Variants in MAP4K3 observed in about 807,000 individuals in gnomAD.
MAP4K3 encodes the protein mitogen-activated protein kinase kinase kinase kinase 3.
MAP4K3 carries 94 observed loss-of-function variants against 143.5 expected under a neutral mutation model. The ratio of observed to expected loss-of-function variants is 0.65; its 90% CI spans 0.55 to 0.78. MAP4K3 has a LOEUF of 0.78. MAP4K3 is among the 30% of genes least tolerant of loss of function. The pLI, the probability that MAP4K3 is intolerant of heterozygous loss-of-function variation, is 0.00. For synonymous variants in MAP4K3, 416 were observed against 347.2 expected, an observed-to-expected ratio of 1.20 and a Z score of -2.20; for missense variants, 1,077 against 1,068.1, an observed-to-expected ratio of 1.01 and a Z score of -0.12.
intron 16 of MAP4K3, among the ~76,000 whole-genome samples, chr2:39,297,498 C>A: frequency 6.6e-6 from 1 of 151,890 alleles, no homozygotes; most frequent in African/African-American, 2.4e-5. Flanking sequence ...ATTAGAATTC[C>A]AAAGAAAAGG....
chr2:39,356,299 C>A lies in MAP4K3; in HGVS notation c.195G>T (p.Met65Ile). The change falls in exon 3 of 34, where the codon ATG becomes ATT. Residue 65 changes from methionine (M) to isoleucine (I), a missense_variant. Around this residue, in one of 2 missense-constraint regions of MAP4K3, gnomAD observed 213 missense variants for 266.8 expected, o/e 0.80. Transcript: ENST00000263881. Reference protein sequence around the residue: ...FAVVQQEIIMMKDCKHPNIVA... With the variant: ...FAVVQQEIIMIKDCKHPNIVA... ...CAATATTTGGGTGTTTACAGTCTTT[C>A]ATCATAATAATTTCTTGCTGCACAA... is the stretch of plus-strand genomic sequence containing the variant. The A allele has an allele frequency of 6.2e-7, 1 of 1,605,594 alleles. No individual in the cohort carries two copies.
chr2:39,376,176 T>G (rs575126635), intron 2 of MAP4K3, among the ~76,000 whole-genome samples: 1 of 152,324 alleles, frequency 6.6e-6, no homozygotes, highest in Non-Finnish European at 1.5e-5. Context: ...ACCAGCTGTG[T>G]ATGAGGGTTC....
At chr2:39,280,989 T>C (rs1185144088) in intron 22 of MAP4K3, among the ~76,000 whole-genome samples, 1 of 152,200 alleles carries the variant, frequency 6.6e-6, no homozygotes, top group Admixed American at 6.5e-5. Flanking sequence ...AAATATATCA[T>C]AATGAAATAT....
At chr2:39,258,118 C>G (rs190546261) in intron 31 of MAP4K3, among the ~76,000 whole-genome samples, 6 of 152,018 alleles carry the variant, frequency 3.9e-5, no homozygotes, top group African/African-American at 1.4e-4. Flanking sequence ...TTTTAGTAGA[C>G]ACGGGGTTTC....
chr2:39,422,353 T>G (rs1457429487), intron 1 of MAP4K3, among the ~76,000 whole-genome samples: 1 of 152,096 alleles, frequency 6.6e-6, no homozygotes, highest in African/African-American at 2.4e-5. Flanking sequence ...CTGCTATATA[T>G]CTGACTCCAA....
Position 39,260,795 on chromosome 2 carries a change from A to T in MAP4K3, c.2137-18T>A. On this transcript the variant is annotated intron_variant, in intron 28 of 33. Transcript: ENST00000263881. Reference sequence around the variant, plus strand: ...TCTATGTGCTAGAGAAAGAAACAAAAATACATTAAACCAAGGAAAATAAAA... The same window carrying T: ...TCTATGTGCTAGAGAAAGAAACAAATATACATTAAACCAAGGAAAATAAAA... 6.4e-7 allele frequency: 1 copy of T among 1,563,716 alleles called. No homozygotes were observed. The highest frequency in any genetic ancestry group is 8.8e-7 in the Non-Finnish European group (1 of 1,140,182).
chr2:39,419,907 C>A (rs1303554396), intron 1 of MAP4K3, among the ~76,000 whole-genome samples: 1 of 152,132 alleles, frequency 6.6e-6, no homozygotes, highest in African/African-American at 2.4e-5. Flanking sequence ...GATGGTGGAG[C>A]ACAGGATGGG....
In MAP4K3 at chr2:39,343,382, T is replaced by C; in HGVS notation, c.310+6A>G. The C allele has an allele frequency of 6.2e-7, 1 of 1,608,748 alleles. No individual in the cohort carries two copies. On this transcript the variant is annotated splice_donor_region_variant and intron_variant, in intron 4 of 33. Coordinates refer to ENST00000263881, the MANE Select transcript of MAP4K3 (RefSeq NM_003618.4). ...AACCCCTATAAAAATACAACTTTGG[T>C]CTTACCGTGATAAATATCCTGTAAA...
intron 31 of MAP4K3, among the ~76,000 whole-genome samples, chr2:39,256,341 T>C (rs552084526): frequency 6.6e-6 from 1 of 152,364 alleles, no homozygotes; most frequent in Admixed American, 6.5e-5. Flanking sequence ...CATCCTTATT[T>C]AGTTCTCCAC....
rs535581837 is a variant in MAP4K3 at position 39,284,344 on chromosome 2, A to G, written c.1588-1790T>C. ...ACCCGGCTGTTTCTGTATTTGTAGTAGAGATGGGGTTTTACCATGTTGGCG... is the reference window on the plus strand; with the variant it reads ...ACCCGGCTGTTTCTGTATTTGTAGTGGAGATGGGGTTTTACCATGTTGGCG... On this transcript the variant is annotated intron_variant, in intron 21 of 33. Coordinates refer to ENST00000263881, the MANE Select transcript of MAP4K3 (RefSeq NM_003618.4). Among the ~76,000 whole-genome samples the G allele has an allele frequency of 1.5e-3, 224 of 152,050 alleles. 1 individual carries two copies. The highest frequency in any genetic ancestry group is 2.7e-3 in the Non-Finnish European group (184 of 67,958).
chr2:39,344,482 T>C (rs1389318280), intron 3 of MAP4K3, among the ~76,000 whole-genome samples: 4 of 152,374 alleles, frequency 2.6e-5, no homozygotes, highest in East Asian at 1.9e-4. Flanking sequence ...AATAGTTTCA[T>C]TGGAACACAG....
intron 1 of MAP4K3, among the ~76,000 whole-genome samples, chr2:39,435,463 T>TA: frequency 6.6e-6 from 1 of 152,264 alleles, no homozygotes; most frequent in East Asian, 1.9e-4. Flanking sequence ...CTATCTGGCG[T>TA]AATCCCCTCT....
chr2:39,379,266 T>A (rs1666299762), intron 1 of MAP4K3, among the ~76,000 whole-genome samples: 1 of 152,020 alleles, frequency 6.6e-6, no homozygotes, highest in Admixed American at 6.6e-5. Flanking sequence ...AAATATAAAA[T>A]TTAACCATTT....
intron 2 of MAP4K3, among the ~76,000 whole-genome samples, chr2:39,377,781 C>T (rs992810906): frequency 1.3e-5 from 2 of 152,186 alleles, no homozygotes; most frequent in Non-Finnish European, 2.9e-5. Flanking sequence ...AAATAAACCA[C>T]TATCAGCTTG....
At chr2:39,353,317 G>A (rs1665511379) in intron 3 of MAP4K3, among the ~76,000 whole-genome samples, 1 of 152,270 alleles carries the variant, frequency 6.6e-6, no homozygotes, top group South Asian at 2.1e-4. Flanking sequence ...GGGAATAAGG[G>A]AAGAATCTCT....
intron 1 of MAP4K3, among the ~76,000 whole-genome samples, chr2:39,428,693 T>A (rs1366599335): frequency 6.6e-6 from 1 of 150,846 alleles, no homozygotes; most frequent in Non-Finnish European, 1.5e-5. Flanking sequence ...AAAAAAAAAA[T>A]CTTTGGATAC....
intron 31 of MAP4K3, among the ~76,000 whole-genome samples, chr2:39,257,402 C>G (rs976686174): frequency 6.6e-6 from 1 of 152,124 alleles, no homozygotes; most frequent in Non-Finnish European, 1.5e-5. Context: ...ACACAACAGC[C>G]AAAACATAAT....
At chr2:39,348,396 ACTTTACTT>A (rs1357841109) in intron 3 of MAP4K3, among the ~76,000 whole-genome samples, 5 of 152,244 alleles carry the variant, frequency 3.3e-5, no homozygotes, top group African/African-American at 1.2e-4. Context: ...TGCCTAAAAT[ACTTTACTT>A]TTATAATATT....
intron 18 of MAP4K3, 63 bp from the exon 19 acceptor site, chr2:39,290,397 T>A: frequency 9.3e-7 from 1 of 1,075,340 alleles, no homozygotes; most frequent in South Asian, 1.5e-5. Flanking sequence ...TCCTAAAATA[T>A]AATAATTTTT....
Sources: gnomAD v4.1 joint callset for allele counts (sites outside exome capture counted in the v4.1 genomes callset) on GRCh38, gnomAD v4.1.1 for gene constraint, gnomAD v4.1.1 regional missense constraint, MANE v1.5 for transcripts, NCBI Gene and HGNC (gene_info 2026-07-23, HGNC 2026-07-21) for gene names.